AGO4: variants seen among roughly 807,000 people sequenced by gnomAD.
AGO4 encodes the protein argonaute RISC component 4, also known as protein argonaute-4.
In AGO4, 33 loss-of-function variants were observed where a neutral mutation model predicts 104.7. The observed-to-expected ratio is 0.32, with a 90% CI of 0.24 to 0.42. The LOEUF (loss-of-function observed/expected upper bound fraction) is 0.42. Ranked by LOEUF, AGO4 falls within the 10% of genes least tolerant of loss-of-function variation. The pLI is 1.00. For synonymous variants in AGO4, 331 were observed against 364.7 expected, an observed-to-expected ratio of 0.91 and a Z score of 1.05; for missense variants, 711 against 1,083.4, an observed-to-expected ratio of 0.66 and a Z score of 4.83.
At position 35,808,553 on chromosome 1, in the gene AGO4, G is replaced by A. The variant is rs1643377891; in HGVS notation, c.19+118G>A. 4.8e-5 allele frequency: 45 copies of A among 929,924 alleles called. No individual in the cohort carries two copies. Among genetic ancestry groups the A allele is most frequent in the Non-Finnish European group, 5.9e-5 (44 of 747,906 alleles). 57.6% of individuals were successfully genotyped at this position (929,924 alleles called of 1,614,324 possible). On this transcript the variant is annotated intron_variant, in intron 1 of 17. Transcript: ENST00000373210. This position sits in a 1 kb window ranked among gnomAD's most constrained non-coding sequence, Gnocchi z 5.2. ...CGGGCCGCCAGGCCTCGGGGAAGGG[G>A]ACCCGAGCCCCGCAGCACGAAGCGG... is the stretch of plus-strand genomic sequence containing the variant.
chr1:35,815,915 GCT>G (rs765343152), intron 1 of AGO4, among the ~76,000 whole-genome samples: 13 of 152,138 alleles, frequency 8.5e-5, no homozygotes, highest in Non-Finnish European at 1.6e-4. Flanking sequence ...GAAAGAAGGG[GCT>G]CTGTCTTCAT....
intron 15 of AGO4, among the ~76,000 whole-genome samples, chr1:35,844,748 G>A (rs541499016): frequency 1.3e-5 from 2 of 151,946 alleles, no homozygotes; most frequent in Admixed American, 6.6e-5. Flanking sequence ...TCACTCTTTC[G>A]TGTTCTGTTG....
intron 1 of AGO4, 72 bp from the exon 2 acceptor site, chr1:35,816,810 A>G (rs1421026127): frequency 2.7e-5 from 35 of 1,291,930 alleles, no homozygotes; most frequent in Admixed American, 2.1e-4. Context: ...AAAAAAAAAA[A>G]AAAAAAAAAA....
At chr1:35,842,733 C>G (rs999616723) in intron 15 of AGO4, among the ~76,000 whole-genome samples, 5 of 151,974 alleles carry the variant, frequency 3.3e-5, no homozygotes, top group African/African-American at 1.2e-4. Flanking sequence ...ACCCAGGAGC[C>G]AGAGGTTGCA....
At chr1:35,822,525 A>T (rs1643909178) in intron 2 of AGO4, among the ~76,000 whole-genome samples, 1 of 152,118 alleles carries the variant, frequency 6.6e-6, no homozygotes. Context: ...AAGTGCTGGG[A>T]TTACAGCCGT....
intron 11 of AGO4, 35 bp downstream of exon 11, chr1:35,832,605 C>T (rs1557566224): frequency 6.2e-7 from 1 of 1,605,280 alleles, no homozygotes; most frequent in Non-Finnish European, 8.5e-7. Flanking sequence ...TAGTAATATC[C>T]CTTCCAGATA....
chr1:35,851,635 G>T (rs369478471), intron 17 of AGO4, among the ~76,000 whole-genome samples: 1 of 152,294 alleles, frequency 6.6e-6, no homozygotes, highest in East Asian at 1.9e-4. Context: ...ATGACCATCT[G>T]TGAAGTGTAG....
intron 17 of AGO4, among the ~76,000 whole-genome samples, chr1:35,853,066 T>C (rs368135484): frequency 2.6e-4 from 40 of 151,988 alleles, no homozygotes; most frequent in East Asian, 1.6e-3. Flanking sequence ...CTGGCTAACA[T>C]GGTGAAACCC....
rs1469881990 is a variant in AGO4 at position 35,826,786 on chromosome 1, C to T, written c.799C>T (p.Arg267Ter). 2 of 1,614,080 alleles carry T rather than the reference C, an allele frequency of 1.2e-6. No individual in the cohort carries two copies. The highest frequency in any genetic ancestry group is 1.7e-6 in the Non-Finnish European group (2 of 1,179,982). The part of the protein sequence containing the change: ...VEVTHCGQMK[R>*]KYRVCNVTRR... ...GGTGACCCACTGTGGACAGATGAAA[C>T]GAAAATACCGAGTTTGTAATGTGAC... The change falls in exon 7 of 18, where the codon CGA (arginine) becomes TGA (stop). Residue 267 changes from arginine (R) to a stop codon, truncating the protein, a stop_gained. Coordinates refer to ENST00000373210, the MANE Select transcript of AGO4 (RefSeq NM_017629.4). LOFTEE classifies it high-confidence loss of function.
At chr1:35,842,528 C>T (rs562542707) in intron 15 of AGO4, among the ~76,000 whole-genome samples, 4 of 152,328 alleles carry the variant, frequency 2.6e-5, no homozygotes, top group South Asian at 4.1e-4. Flanking sequence ...TCTGACCTGG[C>T]GCTGTGGCTC....
chr1:35,837,452 C>G (rs747256993), intron 13 of AGO4, among the ~76,000 whole-genome samples: 5 of 151,712 alleles, frequency 3.3e-5, no homozygotes, highest in Non-Finnish European at 7.4e-5. Flanking sequence ...GATCATGGCT[C>G]ACTGAAGACC....
chr1:35,842,808 A>G (rs1644476069), intron 15 of AGO4, among the ~76,000 whole-genome samples: 1 of 151,812 alleles, frequency 6.6e-6, no homozygotes, highest in Admixed American at 6.6e-5. Context: ...AAAAGAAAAC[A>G]AAAAAAAATT....
intron 3 of AGO4, among the ~76,000 whole-genome samples, chr1:35,824,916 C>G (rs1292747700): frequency 6.6e-6 from 1 of 152,174 alleles, no homozygotes; most frequent in South Asian, 2.1e-4. Flanking sequence ...AACGAAAACT[C>G]TGTACCTATT....
Position 35,855,266 on chromosome 1 carries a change from C to T in AGO4, c.*1661C>T, listed in dbSNP as rs553147747. 1 of 152,732 alleles carries T rather than the reference C, an allele frequency of 6.5e-6. No individual in the cohort carries two copies. Among genetic ancestry groups the T allele is most frequent in the Non-Finnish European group, 1.5e-5 (1 of 68,176 alleles). 9.5% of individuals were successfully genotyped at this position (152,732 alleles called of 1,614,324 possible). A position where few individuals can be genotyped will look rare whatever the true frequency, so the allele number is the denominator to read the frequency against. On this transcript the variant is annotated 3_prime_UTR_variant, in exon 18 of 18. Transcript: ENST00000373210. ...AGAGATAGACACAATGGGGTGAAAA[C>T]AATTTTGCCGCCCCTGCCTGGAAAC...
rs1293638906 is a variant in AGO4 at position 35,819,651 on chromosome 1, T to G, written c.185+2604T>G. On this transcript the variant is annotated intron_variant, in intron 2 of 17. Coordinates refer to ENST00000373210, the MANE Select transcript of AGO4 (RefSeq NM_017629.4). Reference sequence around the variant, plus strand: ...GGGAGGCTGAGGCAGAAGAATCACTTGAACCCGGGAGACGGAGGTTGCAGT... The same window carrying G: ...GGGAGGCTGAGGCAGAAGAATCACTGGAACCCGGGAGACGGAGGTTGCAGT... 2.7e-5 allele frequency among the ~76,000 whole-genome samples: 4 copies of G among 149,220 alleles called. No homozygotes were observed. The Admixed American group carries it at 2.7e-4, about 10-fold the overall frequency.
upstream of AGO4, among the ~76,000 whole-genome samples, chr1:35,807,956 G>T (rs1000076412): frequency 5.9e-5 from 9 of 151,828 alleles, no homozygotes; most frequent in African/African-American, 1.7e-4. Flanking sequence ...GGGGCAGAGC[G>T]GGCCAGCGGG....
rs111531043 is a variant in AGO4 at position 35,832,418 on chromosome 1, CTT to C, written c.1246-7_1246-6del. ...TTTGTTTCTTCTTCTTCTTCTTCTT[CTT>C]TTTTTTTTTTTCAAAGAATAAAACA... On this transcript the variant is annotated splice_polypyrimidine_tract_variant and intron_variant, in intron 10 of 17. Transcript: ENST00000373210. The C allele has an allele frequency of 6.3e-4, 715 of 1,141,066 alleles. No homozygotes were observed. The highest frequency in any genetic ancestry group is 1.8e-3 in the South Asian group (106 of 60,010). 70.7% of individuals were successfully genotyped at this position (1,141,066 alleles called of 1,614,324 possible).
rs1643364255 is a variant in AGO4, at chr1:35,808,316, A to G, written c.-101A>G. 1.5e-5 allele frequency: 11 copies of G among 734,812 alleles called. No homozygotes were observed. The highest frequency in any genetic ancestry group is 1.5e-5 in the Non-Finnish European group (9 of 600,090). The allele number at this position is 734,812 out of a possible 1,614,324, so 45.5% of individuals were successfully genotyped here. A position where few individuals can be genotyped will look rare whatever the true frequency, so the allele number is the denominator to read the frequency against. ...TCTCCGCGGCGCCACCCCAGCGCCA[A>G]TATTCCGGAGATCAAGCGTTACGCG... is the stretch of plus-strand genomic sequence containing the variant. On this transcript the variant is annotated 5_prime_UTR_variant, in exon 1 of 18. Transcript: ENST00000373210. The surrounding 1 kb of genome is among the most constrained non-coding windows in gnomAD (Gnocchi z 5.2).
At chr1:35,816,704 C>T (rs933066665) in intron 1 of AGO4, among the ~76,000 whole-genome samples, 178 bp from the exon 2 acceptor site, 2 of 149,570 alleles carry the variant, frequency 1.3e-5, no homozygotes, top group Non-Finnish European at 1.5e-5. Flanking sequence ...GAGGCTGAGG[C>T]AGGAGAATCG....
Sources: gnomAD v4.1 joint callset for allele counts (sites outside exome capture counted in the v4.1 genomes callset) on GRCh38, gnomAD v4.1.1 for gene constraint, Gnocchi (gnomAD v3.1) non-coding constraint, MANE v1.5 for transcripts, NCBI Gene and HGNC (gene_info 2026-07-23, HGNC 2026-07-21) for gene names.